SLC25A21: variants seen among roughly 807,000 people sequenced by gnomAD.
SLC25A21 encodes mitochondrial 2-oxodicarboxylate carrier.
A neutral mutation model predicts 43.8 loss-of-function variants in SLC25A21; 47 were observed. That is an observed-to-expected ratio of 1.07 (90% CI 0.85 to 1.37). The LOEUF is 1.37. Among genes scored for constraint, SLC25A21 ranks in the 40% most tolerant of loss-of-function variants. The probability of loss-of-function intolerance (pLI) is 0.00; values close to 1 mark genes in which losing one functional copy is unlikely to be tolerated. For missense variants in SLC25A21, 352 were observed against 350.2 expected, an observed-to-expected ratio of 1.00 and a Z score of -0.04; for synonymous variants, 131 against 121.3, an observed-to-expected ratio of 1.08 and a Z score of -0.52.
rs575753332 is a variant in SLC25A21, at chr14:36,894,551, C to T, written c.71-19547G>A. Among the ~76,000 whole-genome samples, 608 of 152,032 alleles carry T rather than the reference C, an allele frequency of 4.0e-3. 5 individuals are homozygous for T. Among genetic ancestry groups the T allele is most frequent in the African/African-American group, 0.014 (574 of 41,436 alleles). Reference sequence around the variant, plus strand: ...TTTATTTCCTTCTCCTGCCTGATTGCCCTGGCCAGAACTTCCAACACTATG... The same window carrying T: ...TTTATTTCCTTCTCCTGCCTGATTGTCCTGGCCAGAACTTCCAACACTATG... On this transcript the variant is annotated intron_variant, in intron 1 of 9. Transcript: ENST00000331299.
intron 1 of SLC25A21, among the ~76,000 whole-genome samples, chr14:36,988,619 C>G (rs1406111882): frequency 6.6e-6 from 1 of 152,200 alleles, no homozygotes; most frequent in Non-Finnish European, 1.5e-5. Flanking sequence ...TAAAATGGAT[C>G]TCACCCCCTA....
intron 1 of SLC25A21, among the ~76,000 whole-genome samples, chr14:36,899,274 A>G (rs2138595193): frequency 6.6e-6 from 1 of 151,590 alleles, no homozygotes; most frequent in East Asian, 1.9e-4. Flanking sequence ...AAATGAAAAG[A>G]AAAAAAAATG....
chr14:36,762,293 C>A (rs1244416693), intron 3 of SLC25A21, among the ~76,000 whole-genome samples: 1 of 152,194 alleles, frequency 6.6e-6, no homozygotes, highest in Non-Finnish European at 1.5e-5. Flanking sequence ...CTCACGATCA[C>A]CCCAAGGAAG....
intron 2 of SLC25A21, among the ~76,000 whole-genome samples, chr14:36,853,216 G>A (rs1889796699): frequency 6.6e-6 from 1 of 152,190 alleles, no homozygotes; most frequent in African/African-American, 2.4e-5. Context: ...TTTTGGCAGG[G>A]CCATGCTTCC....
chr14:37,133,444 A>G (rs2138909053), intron 1 of SLC25A21, among the ~76,000 whole-genome samples: 1 of 151,798 alleles, frequency 6.6e-6, no homozygotes, highest in East Asian at 1.9e-4. Context: ...TCTCCTTCAA[A>G]TACAGTCCTC....
rs200771151 is a variant in SLC25A21 at position 37,059,361 on chromosome 14, CAA to C, written c.70+112918_70+112919del. On this transcript the variant is annotated intron_variant, in intron 1 of 9. Transcript: ENST00000331299. ...CAGTGGCAGAGCGAGAGTATGAACC[CAA>C]AGAGTCTGGTAACCGAGTCTGTACT... 9.3e-3 allele frequency among the ~76,000 whole-genome samples: 1,414 copies of C among 152,216 alleles called. 12 individuals are homozygous for C. The highest frequency in any genetic ancestry group is 0.014 in the Non-Finnish European group (939 of 68,016).
chr14:36,922,539 CTT>C (rs35613811), intron 1 of SLC25A21, among the ~76,000 whole-genome samples: 39 of 147,674 alleles, frequency 2.6e-4, no homozygotes, highest in South Asian at 8.6e-4. Context: ...TAAAGGCCCT[CTT>C]TTTTTTTTTT....
At chr14:37,169,133 C>T (rs1219427922) in intron 1 of SLC25A21, among the ~76,000 whole-genome samples, 1 of 152,146 alleles carries the variant, frequency 6.6e-6, no homozygotes, top group African/African-American at 2.4e-5. Context: ...ACTCATCCCA[C>T]CTATCCTCTG....
intron 2 of SLC25A21, among the ~76,000 whole-genome samples, chr14:36,822,930 A>G (rs712346): frequency 0.18 from 27,385 of 152,148 alleles, 2,833 homozygotes; most frequent in Middle Eastern, 0.25. Context: ...ACTACAATAA[A>G]CATTTACTTG....
intron 1 of SLC25A21, among the ~76,000 whole-genome samples, chr14:37,163,767 T>A (rs1963988307): frequency 6.6e-6 from 1 of 152,282 alleles, no homozygotes; most frequent in East Asian, 1.9e-4. Flanking sequence ...ATTCAATGTT[T>A]GATAGCAGAG....
At position 36,711,484 on chromosome 14, in the gene SLC25A21, T is replaced by G; in HGVS notation, c.439-2A>C. ...TGCATAACCCACAGTGGATGGTTGC[T>G]GCAGAAGAGAGAAGCAAGGCCAGAA... On this transcript the variant is annotated splice_acceptor_variant, in intron 6 of 9. Coordinates refer to ENST00000331299, the MANE Select transcript of SLC25A21 (RefSeq NM_030631.4). LOFTEE classifies it high-confidence loss of function. 1 of 1,612,900 alleles carries G rather than the reference T, an allele frequency of 6.2e-7. No individual in the cohort carries two copies. The highest frequency in any genetic ancestry group is 8.5e-7 in the Non-Finnish European group (1 of 1,179,592).
intron 2 of SLC25A21, among the ~76,000 whole-genome samples, chr14:36,835,077 A>G (rs1206760966): frequency 1.3e-5 from 2 of 152,254 alleles, no homozygotes; most frequent in Non-Finnish European, 2.9e-5. Flanking sequence ...GCACCCATGC[A>G]TAAAGAAAGA....
At chr14:36,928,137 C>T (rs1892183742) in intron 1 of SLC25A21, among the ~76,000 whole-genome samples, 1 of 152,082 alleles carries the variant, frequency 6.6e-6, no homozygotes, top group Non-Finnish European at 1.5e-5. Flanking sequence ...GAAGAGGTCC[C>T]CCCTCCTTCA....
At chr14:36,970,865 T>A (rs936777317) in intron 1 of SLC25A21, among the ~76,000 whole-genome samples, 3 of 152,226 alleles carry the variant, frequency 2.0e-5, no homozygotes, top group Non-Finnish European at 4.4e-5. Flanking sequence ...GGAATATTAC[T>A]AATATTTCAT....
At chr14:37,159,464 T>G (rs8008939) in intron 1 of SLC25A21, among the ~76,000 whole-genome samples, 59,951 of 151,578 alleles carry the variant, frequency 0.4, 12,724 homozygotes, top group African/African-American at 0.56. Flanking sequence ...CTGACAAGAG[T>G]CTCTGGGTGG....
In SLC25A21 at chr14:36,808,475, T is replaced by C. The variant is rs548429145; in HGVS notation, c.203+5443A>G. 9.8e-5 allele frequency among the ~76,000 whole-genome samples: 15 copies of C among 152,304 alleles called. No individual in the cohort carries two copies. In the South Asian group the frequency reaches 2.9e-3, roughly 29 times the overall value. On this transcript the variant is annotated intron_variant, in intron 3 of 9. Coordinates refer to ENST00000331299, the MANE Select transcript of SLC25A21 (RefSeq NM_030631.4). ...AAGGAGGATATAAAGCTGCTTTAAG[T>C]CGCTGTGTGATTTGAGGCTAGGAAT...
At chr14:37,076,005 A>G (rs1566862965) in intron 1 of SLC25A21, among the ~76,000 whole-genome samples, 1 of 152,212 alleles carries the variant, frequency 6.6e-6, no homozygotes, top group Non-Finnish European at 1.5e-5. Flanking sequence ...CCTGCCCTGG[A>G]GCCAAGCCTA....
intron 1 of SLC25A21, among the ~76,000 whole-genome samples, chr14:37,074,236 C>A (rs1175184709): frequency 1.3e-5 from 2 of 151,132 alleles, no homozygotes; most frequent in Non-Finnish European, 2.9e-5. Flanking sequence ...TGTTTTTATA[C>A]AATAGTTTGC....
At chr14:36,901,472 C>G (rs1891398043) in intron 1 of SLC25A21, among the ~76,000 whole-genome samples, 1 of 152,016 alleles carries the variant, frequency 6.6e-6, no homozygotes, top group Non-Finnish European at 1.5e-5. Context: ...ACTTTTAAAG[C>G]TAACTACATA....
Sources: allele counts gnomAD v4.1 joint callset (sites outside exome capture counted in the v4.1 genomes callset), GRCh38; gene constraint gnomAD v4.1.1; transcripts MANE v1.5; gene names NCBI Gene and HGNC (gene_info 2026-07-23, HGNC 2026-07-21).